Variants in DAB1 observed in about 807,000 individuals in gnomAD.
DAB1 encodes the protein disabled homolog 1.
A neutral mutation model predicts 64.6 loss-of-function variants in DAB1; 15 were observed. The ratio of observed to expected loss-of-function variants is 0.23; its 90% CI spans 0.16 to 0.36. DAB1 has a LOEUF of 0.36. DAB1 is among the 10% of genes least tolerant of loss of function. DAB1 has a pLI of 1.00. For missense variants in DAB1, 596 were observed against 706.7 expected (o/e 0.84, Z 1.78); for synonymous variants, 235 against 251.9 (o/e 0.93, Z 0.64).
At chr1:57,434,838 A>G (rs1685631540) in intron 7 of DAB1, among the ~76,000 whole-genome samples, 1 of 152,158 alleles carries the variant, frequency 6.6e-6, no homozygotes, top group Non-Finnish European at 1.5e-5. Flanking sequence ...AATATAAAAG[A>G]TAAAATATGC....
intron 9 of DAB1, among the ~76,000 whole-genome samples, chr1:57,035,294 T>C (rs1164153583): frequency 6.6e-6 from 1 of 152,152 alleles, no homozygotes; most frequent in Non-Finnish European, 1.5e-5. Flanking sequence ...AAAATCTCAT[T>C]ACATCTGTCC....
chr1:57,535,638 T>C (rs1002194387), intron 7 of DAB1, among the ~76,000 whole-genome samples: 1 of 152,008 alleles, frequency 6.6e-6, no homozygotes, highest in Non-Finnish European at 1.5e-5. Context: ...AATTTTTGTA[T>C]TTTAGTAGAG....
At chr1:57,614,308 A>G (rs1440326839) in intron 7 of DAB1, among the ~76,000 whole-genome samples, 5 of 152,212 alleles carry the variant, frequency 3.3e-5, no homozygotes, top group Non-Finnish European at 5.9e-5. Context: ...CAAACACAAC[A>G]TCTATGAACA....
intron 1 of DAB1, among the ~76,000 whole-genome samples, chr1:57,416,562 T>A (rs1684512023): frequency 6.6e-6 from 1 of 152,186 alleles, no homozygotes; most frequent in African/African-American, 2.4e-5. Flanking sequence ...TTAAGAGATG[T>A]CAATAAAACA....
intron 5 of DAB1, among the ~76,000 whole-genome samples, chr1:57,977,469 G>C (rs148927995): frequency 2.9e-4 from 44 of 152,302 alleles, no homozygotes; most frequent in Non-Finnish European, 5.9e-4. Flanking sequence ...TTGTAGATAA[G>C]AGGCCACATT....
At chr1:57,956,254 G>GA (rs1645391085) in intron 5 of DAB1, among the ~76,000 whole-genome samples, 1 of 152,116 alleles carries the variant, frequency 6.6e-6, no homozygotes, top group South Asian at 2.1e-4. Context: ...GTAAGCAAGG[G>GA]AAGGGAATCC....
chr1:57,060,092 A>G (rs1296524145), intron 9 of DAB1, among the ~76,000 whole-genome samples: 1 of 144,336 alleles, frequency 6.9e-6, no homozygotes, highest in Non-Finnish European at 1.6e-5. Context: ...GGATTTTCAC[A>G]AATTCCTTCT....
At chr1:57,312,588 C>T (rs562943608) in intron 1 of DAB1, among the ~76,000 whole-genome samples, 6 of 152,308 alleles carry the variant, frequency 3.9e-5, no homozygotes, top group African/African-American at 1.4e-4. Flanking sequence ...TAGGGAACAT[C>T]ACCAGGGCCC....
intron 2 of DAB1, among the ~76,000 whole-genome samples, chr1:57,249,459 C>T (rs1008246274): frequency 6.6e-6 from 1 of 152,176 alleles, no homozygotes; most frequent in Non-Finnish European, 1.5e-5. Context: ...GCAGCCTCGG[C>T]CTTCTAGCCT....
intron 4 of DAB1, among the ~76,000 whole-genome samples, chr1:58,164,554 C>T (rs1655722055): frequency 6.6e-6 from 1 of 152,150 alleles, no homozygotes; most frequent in Non-Finnish European, 1.5e-5. Context: ...ATAATAGCAT[C>T]CTTTTTTAAA....
At chr1:58,264,647 A>G (rs1661121410) in intron 4 of DAB1, among the ~76,000 whole-genome samples, 1 of 152,234 alleles carries the variant, frequency 6.6e-6, no homozygotes, top group African/African-American at 2.4e-5. Context: ...ACTATTAGGA[A>G]AGAAATGAGG....
chr1:58,083,402 A>T (rs1650116340), intron 5 of DAB1, among the ~76,000 whole-genome samples: 1 of 152,198 alleles, frequency 6.6e-6, no homozygotes, highest in Non-Finnish European at 1.5e-5. Context: ...AGTATTATGA[A>T]GGCCAGAGCT....
At chr1:58,171,534 T>C (rs1022670463) in intron 4 of DAB1, among the ~76,000 whole-genome samples, 1 of 152,214 alleles carries the variant, frequency 6.6e-6, no homozygotes, top group Non-Finnish European at 1.5e-5. Flanking sequence ...CTCTCTCAAA[T>C]ACCAGAGGAA....
chr1:56,999,433 C>G (rs1308976999), intron 14 of DAB1, among the ~76,000 whole-genome samples: 1 of 152,202 alleles, frequency 6.6e-6, no homozygotes, highest in African/African-American at 2.4e-5. Context: ...AGACCCCAAT[C>G]TTTCCATCCA....
At chr1:57,330,187 G>C (rs1231380481) in intron 1 of DAB1, among the ~76,000 whole-genome samples, 1 of 152,186 alleles carries the variant, frequency 6.6e-6, no homozygotes, top group East Asian at 1.9e-4. Context: ...GTCTGAGAAG[G>C]AATTGACAAG....
intron 7 of DAB1, among the ~76,000 whole-genome samples, chr1:57,512,088 T>C (rs1312654393): frequency 6.6e-6 from 1 of 152,212 alleles, no homozygotes. Context: ...CCCTAGAGAA[T>C]GTAAGTAATT....
intron 4 of DAB1, among the ~76,000 whole-genome samples, chr1:58,198,921 C>T (rs1295237673): frequency 2.0e-5 from 3 of 152,172 alleles, no homozygotes; most frequent in African/African-American, 7.2e-5. Flanking sequence ...GCCTGGCCAA[C>T]ATGGTGAAAC....
intron 7 of DAB1, among the ~76,000 whole-genome samples, chr1:57,565,951 A>C (rs1169613657): frequency 6.6e-6 from 1 of 152,168 alleles, no homozygotes; most frequent in Non-Finnish European, 1.5e-5. Context: ...AGAACTCTCC[A>C]CCCCAAATCA....
chr1:58,471,212 C>T (rs573877131), intron 3 of DAB1, among the ~76,000 whole-genome samples: 1 of 152,264 alleles, frequency 6.6e-6, no homozygotes, highest in South Asian at 2.1e-4. Context: ...TTGGTATCCC[C>T]AGGATTTCCT....
Sources: gnomAD v4.1 joint callset for allele counts (sites outside exome capture counted in the v4.1 genomes callset) on GRCh38, gnomAD v4.1.1 for gene constraint, MANE v1.5 for transcripts, NCBI Gene and HGNC (gene_info 2026-07-23, HGNC 2026-07-21) for gene names.